Variants in MAP2K1 observed in about 807,000 individuals in gnomAD.
MAP2K1 encodes the protein dual specificity mitogen-activated protein kinase kinase 1.
MAP2K1 carries 16 observed loss-of-function variants against 46.3 expected under a neutral mutation model. The ratio of observed to expected loss-of-function variants is 0.35; its 90% CI spans 0.23 to 0.52. The LOEUF is 0.52. Ranked by LOEUF, MAP2K1 falls within the 20% of genes least tolerant of loss-of-function variation. The probability of loss-of-function intolerance (pLI) is 0.94; values close to 1 mark genes in which losing one functional copy is unlikely to be tolerated. For missense variants in MAP2K1, 263 were observed against 497.1 expected, an observed-to-expected ratio of 0.53 and a Z score of 4.48; for synonymous variants, 183 against 185.6, an observed-to-expected ratio of 0.99 and a Z score of 0.11.
intron 6 of MAP2K1, among the ~76,000 whole-genome samples, chr15:66,484,559 A>C (rs1057079191): frequency 6.6e-6 from 1 of 152,116 alleles, no homozygotes; most frequent in Non-Finnish European, 1.5e-5. Flanking sequence ...CTTTTGTTCT[A>C]TGTATCCACG....
At chr15:66,464,159 T>C (rs887533628) in intron 5 of MAP2K1, among the ~76,000 whole-genome samples, 4 of 152,200 alleles carry the variant, frequency 2.6e-5, no homozygotes, top group Non-Finnish European at 5.9e-5. Context: ...GAATCTTTCG[T>C]CTCAGGTTTC....
At position 66,490,659 on chromosome 15, in the gene MAP2K1, T is replaced by G; in HGVS notation, c.*44T>G. Reference sequence around the variant, plus strand: ...AGAGCGAGTCCCCTGCCCGGTGGTTTGCCATGTCGCTTTTGGGCCTCCTTC... The same window carrying G: ...AGAGCGAGTCCCCTGCCCGGTGGTTGGCCATGTCGCTTTTGGGCCTCCTTC... On this transcript the variant is annotated 3_prime_UTR_variant, in exon 11 of 11. Coordinates refer to ENST00000307102, the MANE Select transcript of MAP2K1 (RefSeq NM_002755.4). 1 of 1,494,868 alleles carries G rather than the reference T, an allele frequency of 6.7e-7. No homozygotes were observed. The highest frequency in any genetic ancestry group is 1.4e-5 in the African/African-American group (1 of 72,720). 92.6% of individuals were successfully genotyped at this position (1,494,868 alleles called of 1,614,324 possible).
chr15:66,420,721 A>ATATATATATATATATATATATATGTGTG (rs1461381065), intron 1 of MAP2K1, among the ~76,000 whole-genome samples: 1 of 29,684 alleles, frequency 3.4e-5, no homozygotes, highest in African/African-American at 1.2e-4. Context: ...ATATATATAT[A>ATATATATATATATATATATATATGTGTG]TGTGTGTGTG....
rs1036734788 is a variant in MAP2K1, at chr15:66,386,928, G to C, written c.-420G>C. The C allele has an allele frequency of 4.1e-6, 1 of 244,722 alleles. No individual in the cohort carries two copies. Among genetic ancestry groups the C allele is most frequent in the African/African-American group, 2.2e-5 (1 of 45,520 alleles). 15.2% of individuals were successfully genotyped at this position (244,722 alleles called of 1,614,324 possible). ...CCGGCCTCCAGTCCCTCCCAGGGCC[G>C]CTTCGCAGAGCGGCTAGGAGCACGG... On this transcript the variant is annotated 5_prime_UTR_variant, in exon 1 of 11. Coordinates refer to ENST00000307102, the MANE Select transcript of MAP2K1 (RefSeq NM_002755.4).
chr15:66,433,497 A>G lies in MAP2K1; in HGVS notation c.81-1530A>G, dbSNP rs1005357183. Among the ~76,000 whole-genome samples, 3 of 151,618 alleles carry G rather than the reference A, an allele frequency of 2.0e-5. No homozygotes were observed. The South Asian group carries it at 6.3e-4, about 32-fold the overall frequency. On this transcript the variant is annotated intron_variant, in intron 1 of 10. Transcript: ENST00000307102. ...TGTGTGCAGCAGGTGGGGTGGGGGG[A>G]AAATCAGTGAGGAAAATCAGTAACC...
chr15:66,401,568 C>T (rs2093381747), intron 1 of MAP2K1, among the ~76,000 whole-genome samples: 1 of 152,154 alleles, frequency 6.6e-6, no homozygotes, highest in East Asian at 1.9e-4. Flanking sequence ...GTAACATTAT[C>T]TCAGCCTTCA....
chr15:66,389,340 T>G (rs1384514981), intron 1 of MAP2K1, among the ~76,000 whole-genome samples: 2 of 152,230 alleles, frequency 1.3e-5, no homozygotes, highest in South Asian at 2.1e-4. Flanking sequence ...CCTATTTGAT[T>G]TGGAAGTGGA....
intron 5 of MAP2K1, 49 bp downstream of exon 5, chr15:66,444,756 C>CA (rs755647852): frequency 1.4e-6 from 2 of 1,439,318 alleles, no homozygotes; most frequent in Non-Finnish European, 2.0e-6. Context: ...AGATATAATC[C>CA]AAAGGCTGTT....
chr15:66,395,315 T>C (rs771350359), intron 1 of MAP2K1, among the ~76,000 whole-genome samples: 4 of 152,234 alleles, frequency 2.6e-5, no homozygotes, highest in Non-Finnish European at 4.4e-5. Context: ...ATGTGGTTAC[T>C]GTACTCACTG....
chr15:66,420,930 TAC>T (rs935374211), intron 1 of MAP2K1, among the ~76,000 whole-genome samples: 2 of 128,176 alleles, frequency 1.6e-5, no homozygotes, highest in East Asian at 2.2e-4. Context: ...TACATATATA[TAC>T]ACACATACAT....
Position 66,481,887 on chromosome 15 carries a change from C to T in MAP2K1, c.693+8C>T, listed in dbSNP as rs752089342. ...ACAAGGTCCTACATGTCGGTATGAA[C>T]AGAAGTTTCCATTGCTTGAGCTTCT... On this transcript the variant is annotated splice_region_variant and intron_variant, in intron 6 of 10. Transcript: ENST00000307102. The T allele has an allele frequency of 6.2e-7, 1 of 1,613,164 alleles. No homozygotes were observed. The highest frequency in any genetic ancestry group is 1.1e-5 in the South Asian group (1 of 91,058).
intron 5 of MAP2K1, among the ~76,000 whole-genome samples, chr15:66,477,873 A>C (rs1303165133): frequency 6.6e-6 from 1 of 151,948 alleles, no homozygotes; most frequent in East Asian, 1.9e-4. Context: ...GTCTCGTTCC[A>C]TTTTCAGCAT....
At chr15:66,482,970 G>C (rs1265996072) in intron 6 of MAP2K1, among the ~76,000 whole-genome samples, 7 of 152,126 alleles carry the variant, frequency 4.6e-5, no homozygotes, top group African/African-American at 1.7e-4. Context: ...CAAAGCACAT[G>C]TCATGTCCCT....
chr15:66,440,409 A>G (rs2093500600), intron 3 of MAP2K1, among the ~76,000 whole-genome samples: 1 of 152,208 alleles, frequency 6.6e-6, no homozygotes, highest in Non-Finnish European at 1.5e-5. Context: ...TGTGTTTTAA[A>G]GTAAATTTGT....
intron 5 of MAP2K1, among the ~76,000 whole-genome samples, chr15:66,476,359 T>C (rs1225431654): frequency 2.6e-5 from 4 of 152,134 alleles, no homozygotes; most frequent in Admixed American, 2.0e-4. Context: ...ATTTGAATGT[T>C]TGAGGGCTCT....
At chr15:66,410,276 T>G (rs2093408116) in intron 1 of MAP2K1, among the ~76,000 whole-genome samples, 1 of 152,234 alleles carries the variant, frequency 6.6e-6, no homozygotes, top group Non-Finnish European at 1.5e-5. Flanking sequence ...AGAACTAATT[T>G]CCTGTTAACC....
intron 1 of MAP2K1, among the ~76,000 whole-genome samples, chr15:66,433,485 TG>T (rs1288326471): frequency 6.6e-6 from 1 of 151,888 alleles, no homozygotes; most frequent in East Asian, 1.9e-4. Flanking sequence ...GTGCAGCAGG[TG>T]GGGTGGGGGG....
At chr15:66,439,044 T>G (rs2093496546) in intron 3 of MAP2K1, among the ~76,000 whole-genome samples, 1 of 152,006 alleles carries the variant, frequency 6.6e-6, no homozygotes, top group African/African-American at 2.4e-5. Context: ...AGAGCCAGAG[T>G]GGCTTTCTGC....
intron 1 of MAP2K1, among the ~76,000 whole-genome samples, chr15:66,410,016 T>C (rs1172941962): frequency 6.6e-6 from 1 of 152,208 alleles, no homozygotes; most frequent in Non-Finnish European, 1.5e-5. Context: ...TCTTGATAGT[T>C]CAGCCTCCTG....
Sources: gnomAD v4.1 joint callset for allele counts (sites outside exome capture counted in the v4.1 genomes callset) on GRCh38, gnomAD v4.1.1 for gene constraint, MANE v1.5 for transcripts, NCBI Gene and HGNC (gene_info 2026-07-23, HGNC 2026-07-21) for gene names.